PPP1R2: variants seen among roughly 807,000 people sequenced by gnomAD.
PPP1R2 encodes the protein protein phosphatase inhibitor 2.
Under a neutral mutation model 29.9 loss-of-function variants are expected in PPP1R2, and 16 were observed. The ratio of observed to expected loss-of-function variants is 0.53; its 90% CI spans 0.36 to 0.81. The LOEUF is 0.81. Among genes scored for constraint, PPP1R2 ranks in the 30% least tolerant of loss-of-function variants. PPP1R2 has a pLI of 0.00. For missense variants in PPP1R2, 197 were observed against 252.7 expected, an observed-to-expected ratio of 0.78 and a Z score of 1.49; for synonymous variants, 76 against 91.5, an observed-to-expected ratio of 0.83 and a Z score of 0.96.
intron 4 of PPP1R2, among the ~76,000 whole-genome samples, chr3:195,522,149 C>A (rs759536572): frequency 6.6e-6 from 1 of 152,198 alleles, no homozygotes; most frequent in Non-Finnish European, 1.5e-5. Flanking sequence ...TGCTTTAACT[C>A]ATTTAGTAGT....
At chr3:195,539,923 G>A (rs1056434729) in intron 1 of PPP1R2, among the ~76,000 whole-genome samples, 6 of 152,110 alleles carry the variant, frequency 3.9e-5, no homozygotes, top group African/African-American at 1.2e-4. Flanking sequence ...ATGAATTACA[G>A]ACATATATCT....
chr3:195,521,412 T>C (rs1480025320), intron 4 of PPP1R2, among the ~76,000 whole-genome samples: 1 of 151,916 alleles, frequency 6.6e-6, no homozygotes, highest in Non-Finnish European at 1.5e-5. Flanking sequence ...TAATGATTTA[T>C]GTAATTTTAA....
chr3:195,542,860 C>G, intron 1 of PPP1R2, 44 bp downstream of exon 1: 1 of 1,569,448 alleles, frequency 6.4e-7, no homozygotes, highest in Admixed American at 1.8e-5. Flanking sequence ...GTAACGGGCC[C>G]GGCGGGAAGG....
intron 1 of PPP1R2, among the ~76,000 whole-genome samples, chr3:195,541,458 T>C (rs1194505150): frequency 3.5e-5 from 2 of 56,920 alleles, no homozygotes; most frequent in Admixed American, 2.7e-4. Flanking sequence ...TTCTTTCCTT[T>C]TTTTTTTTTT....
At chr3:195,519,321 G>A in intron 4 of PPP1R2, 136 bp from the exon 5 acceptor site, 2 of 663,266 alleles carry the variant, frequency 3.0e-6, no homozygotes, top group Non-Finnish European at 5.0e-6. Flanking sequence ...GTGTTCAATG[G>A]CAGAGTTGAG....
intron 4 of PPP1R2, among the ~76,000 whole-genome samples, chr3:195,522,479 C>T (rs1252001388): frequency 6.6e-6 from 1 of 152,184 alleles, no homozygotes; most frequent in Non-Finnish European, 1.5e-5. Context: ...TTGAGAAAAA[C>T]ATCCCTCAAT....
intron 1 of PPP1R2, 49 bp downstream of exon 1, chr3:195,542,855 G>A: frequency 1.3e-6 from 2 of 1,557,802 alleles, no homozygotes; most frequent in Admixed American, 1.8e-5. Context: ...GGTAGGTAAC[G>A]GGCCCGGCGG....
chr3:195,538,653 G>A (rs1207815041), intron 1 of PPP1R2, among the ~76,000 whole-genome samples: 1 of 151,954 alleles, frequency 6.6e-6, no homozygotes, highest in Non-Finnish European at 1.5e-5. Context: ...ATTTTTTCAA[G>A]CAGAATTTGC....
intron 4 of PPP1R2, among the ~76,000 whole-genome samples, chr3:195,520,690 A>T (rs1052973451): frequency 6.6e-5 from 10 of 151,944 alleles, no homozygotes; most frequent in African/African-American, 2.2e-4. Flanking sequence ...TCTTTTTTTT[A>T]AATTTTAATT....
chr3:195,537,135 AAACAG>A (rs1446633280), intron 1 of PPP1R2, among the ~76,000 whole-genome samples: 1 of 152,070 alleles, frequency 6.6e-6, no homozygotes. Context: ...TATACATATA[AAACAG>A]TACATACAGT....
chr3:195,530,236 A>G (rs1264405401), intron 1 of PPP1R2, among the ~76,000 whole-genome samples: 1 of 152,240 alleles, frequency 6.6e-6, no homozygotes, highest in Non-Finnish European at 1.5e-5. Context: ...CATTCGCTGA[A>G]GTCAGTAGGC....
chr3:195,541,378 C>A (rs1047337754), intron 1 of PPP1R2, among the ~76,000 whole-genome samples: 23 of 151,920 alleles, frequency 1.5e-4, no homozygotes, highest in Non-Finnish European at 5.9e-5. Flanking sequence ...CACATTCCTG[C>A]TGCTGAAAAC....
At chr3:195,518,556 C>G (rs990592738) in intron 5 of PPP1R2, among the ~76,000 whole-genome samples, 7 of 151,652 alleles carry the variant, frequency 4.6e-5, no homozygotes, top group Non-Finnish European at 8.8e-5. Context: ...GAGGCTGAGG[C>G]AGGAGAATGG....
At chr3:195,520,788 G>C (rs1216003948) in intron 4 of PPP1R2, among the ~76,000 whole-genome samples, 2 of 151,896 alleles carry the variant, frequency 1.3e-5, no homozygotes, top group Non-Finnish European at 2.9e-5. Context: ...CAAGTAACTG[G>C]AACTACAGAT....
chr3:195,535,862 C>A lies in PPP1R2; in HGVS notation c.123-5961G>T, dbSNP rs112943503. Among the ~76,000 whole-genome samples, 109 of 152,238 alleles carry A rather than the reference C, an allele frequency of 7.2e-4. 1 individual carries two copies. The highest frequency in any genetic ancestry group is 6.6e-3 in the South Asian group (32 of 4,832). On this transcript the variant is annotated intron_variant, in intron 1 of 5. Coordinates refer to ENST00000618156, the MANE Select transcript of PPP1R2 (RefSeq NM_006241.8). ...GAAACGAAAAAGCACAAAAGTTAGG[C>A]ATAAATTATGATGTATTTTTGTAAA...
At position 195,543,047 on chromosome 3, in the gene PPP1R2, G is replaced by A. The variant is rs921960836; in HGVS notation, c.-22C>T. The A allele has an allele frequency of 2.5e-6, 4 of 1,590,848 alleles. No homozygotes were observed. Among genetic ancestry groups the A allele is most frequent in the Non-Finnish European group, 3.4e-6 (4 of 1,169,660 alleles). On this transcript the variant is annotated 5_prime_UTR_variant, in exon 1 of 6. Transcript: ENST00000618156. Reference sequence around the variant, plus strand: ...CCATTGCCGGGCGCTCCGGCTGTCGGCTCAGGGTCGCTGCTTGGCGTGGGG... The same window carrying A: ...CCATTGCCGGGCGCTCCGGCTGTCGACTCAGGGTCGCTGCTTGGCGTGGGG...
chr3:195,531,544 C>T (rs923546828), intron 1 of PPP1R2, among the ~76,000 whole-genome samples: 2 of 152,182 alleles, frequency 1.3e-5, no homozygotes, highest in East Asian at 1.9e-4. Flanking sequence ...CAGGTGACTT[C>T]GTATTCTTTT....
chr3:195,523,821 G>T, intron 3 of PPP1R2, 35 bp from the exon 4 acceptor site: 2 of 1,541,062 alleles, frequency 1.3e-6, no homozygotes, highest in Non-Finnish European at 1.8e-6. Context: ...AATTAACAGT[G>T]ATGTTTTGAT....
intron 5 of PPP1R2, among the ~76,000 whole-genome samples, chr3:195,518,380 G>A (rs755981891): frequency 1.3e-5 from 2 of 152,158 alleles, no homozygotes; most frequent in Non-Finnish European, 2.9e-5. Flanking sequence ...GGCTGGGCGC[G>A]GTGGCTCATG....
Sources: gnomAD v4.1 joint callset for allele counts (sites outside exome capture counted in the v4.1 genomes callset) on GRCh38, gnomAD v4.1.1 for gene constraint, MANE v1.5 for transcripts, NCBI Gene and HGNC (gene_info 2026-07-23, HGNC 2026-07-21) for gene names.